Variants in SEMA3A observed in about 807,000 individuals in gnomAD.
SEMA3A encodes semaphorin-3A.
SEMA3A carries 29 observed loss-of-function variants against 97.9 expected under a neutral mutation model. That is an observed-to-expected ratio of 0.30 (90% CI 0.22 to 0.40). The LOEUF (loss-of-function observed/expected upper bound fraction) is 0.40. Among genes scored for constraint, SEMA3A ranks in the 10% least tolerant of loss-of-function variants. The pLI, the probability that SEMA3A is intolerant of heterozygous loss-of-function variation, is 1.00. For synonymous variants in SEMA3A, 321 were observed against 323.7 expected, an observed-to-expected ratio of 0.99 and a Z score of 0.09; for missense variants, 763 against 951.3, an observed-to-expected ratio of 0.80 and a Z score of 2.60.
At chr7:84,091,951 G>C (rs908612460) in intron 4 of SEMA3A, among the ~76,000 whole-genome samples, 4 of 152,094 alleles carry the variant, frequency 2.6e-5, no homozygotes, top group Non-Finnish European at 4.4e-5. Flanking sequence ...TATGCAGGTT[G>C]TATTTTTATA....
chr7:84,066,195 A>G (rs1445423332), intron 4 of SEMA3A, among the ~76,000 whole-genome samples: 2 of 152,044 alleles, frequency 1.3e-5, no homozygotes, highest in Admixed American at 1.3e-4. Flanking sequence ...ATAGATGCAG[A>G]AAAAGCCTTT....
chr7:84,312,893 T>C (rs1158618440), intron 2 of SEMA3A, among the ~76,000 whole-genome samples: 8 of 53,726 alleles, frequency 1.5e-4, no homozygotes, highest in African/African-American at 4.6e-4. Flanking sequence ...TATATATATA[T>C]ATATATATAT....
At chr7:84,168,064 T>C (rs1797268320) in intron 1 of SEMA3A, among the ~76,000 whole-genome samples, 1 of 152,146 alleles carries the variant, frequency 6.6e-6, no homozygotes, top group African/African-American at 2.4e-5. Flanking sequence ...AAGTGAGGTA[T>C]TACCTATGAA....
At chr7:84,260,795 T>C (rs1391233634) in intron 3 of SEMA3A, among the ~76,000 whole-genome samples, 1 of 152,074 alleles carries the variant, frequency 6.6e-6, no homozygotes, top group Non-Finnish European at 1.5e-5. Flanking sequence ...CTGTGCGTCA[T>C]GGATGATATG....
intron 3 of SEMA3A, among the ~76,000 whole-genome samples, chr7:84,289,061 T>G (rs1199397184): frequency 6.6e-6 from 1 of 152,164 alleles, no homozygotes; most frequent in East Asian, 1.9e-4. Context: ...TCTTCTCATT[T>G]GCAGCAACTT....
intron 3 of SEMA3A, among the ~76,000 whole-genome samples, chr7:84,272,632 GC>G (rs1758618530): frequency 6.6e-6 from 1 of 151,832 alleles, no homozygotes; most frequent in African/African-American, 2.4e-5. Flanking sequence ...TATTCTTCAA[GC>G]TTTTATTGAT....
chr7:84,381,670 T>A (rs1357508121), intron 1 of SEMA3A, among the ~76,000 whole-genome samples: 2 of 152,178 alleles, frequency 1.3e-5, no homozygotes, highest in Non-Finnish European at 2.9e-5. Context: ...TCCTTCTATA[T>A]GCTATGGTAT....
At chr7:84,348,194 A>G (rs770145385) in intron 2 of SEMA3A, among the ~76,000 whole-genome samples, 1 of 152,176 alleles carries the variant, frequency 6.6e-6, no homozygotes, top group Non-Finnish European at 1.5e-5. Context: ...TGGCTTTGCT[A>G]AACTCCTAAT....
At chr7:84,412,243 C>G (rs926522269) in intron 1 of SEMA3A, among the ~76,000 whole-genome samples, 5 of 152,120 alleles carry the variant, frequency 3.3e-5, no homozygotes, top group Non-Finnish European at 5.9e-5. Context: ...GAGCATGGAT[C>G]AAGCAGGGTC....
intron 4 of SEMA3A, among the ~76,000 whole-genome samples, chr7:84,102,054 G>A (rs561236946): frequency 6.6e-6 from 1 of 151,804 alleles, no homozygotes; most frequent in South Asian, 2.1e-4. Context: ...AATTACATAT[G>A]CAGCTAGCAT....
intron 1 of SEMA3A, among the ~76,000 whole-genome samples, chr7:84,424,696 TGATATCAA>T (rs1408820241): frequency 9.8e-5 from 7 of 71,566 alleles, no homozygotes; most frequent in Non-Finnish European, 1.3e-4. Context: ...TATAATATAT[TGATATCAA>T]TATATAATAT....
chr7:84,045,366 T>A (rs1252995402), intron 6 of SEMA3A, among the ~76,000 whole-genome samples: 1 of 151,698 alleles, frequency 6.6e-6, no homozygotes, highest in East Asian at 1.9e-4. Flanking sequence ...CAGGAAAAAA[T>A]TCATGGAGGG....
chr7:84,481,084 A>G (rs2116433159), intron 1 of SEMA3A, among the ~76,000 whole-genome samples: 1 of 152,264 alleles, frequency 6.6e-6, no homozygotes, highest in East Asian at 1.9e-4. Context: ...GAGAGTGTCA[A>G]AGATAAAGCT....
chr7:84,457,184 T>C (rs926287446), intron 1 of SEMA3A, among the ~76,000 whole-genome samples: 1 of 151,776 alleles, frequency 6.6e-6, no homozygotes, highest in Non-Finnish European at 1.5e-5. Context: ...AGTGGATGAA[T>C]AGGAAAAATG....
At chr7:84,224,549 C>T (rs1298665148) in intron 3 of SEMA3A, among the ~76,000 whole-genome samples, 1 of 151,952 alleles carries the variant, frequency 6.6e-6, no homozygotes, top group Non-Finnish European at 1.5e-5. Flanking sequence ...TGACCCAGAG[C>T]TAAAACATTC....
chr7:84,117,673 G>C (rs1030809130), intron 3 of SEMA3A, among the ~76,000 whole-genome samples: 9 of 152,296 alleles, frequency 5.9e-5, no homozygotes, highest in Admixed American at 4.6e-4. Flanking sequence ...TGGTGGAACA[G>C]TTTCACCCCA....
chr7:84,239,060 T>C (rs1244117541), intron 3 of SEMA3A, among the ~76,000 whole-genome samples: 1 of 152,060 alleles, frequency 6.6e-6, no homozygotes, highest in Non-Finnish European at 1.5e-5. Flanking sequence ...CCTAAAAACT[T>C]AAAGAATGTA....
chr7:84,222,830 T>C (rs141662825), intron 3 of SEMA3A, among the ~76,000 whole-genome samples: 49 of 152,022 alleles, frequency 3.2e-4, no homozygotes, highest in Non-Finnish European at 6.3e-4. Context: ...CAAATTTTGC[T>C]ATGTTGGTAT....
intron 15 of SEMA3A, among the ~76,000 whole-genome samples, chr7:83,966,151 A>G (rs1330053736): frequency 6.6e-6 from 1 of 151,996 alleles, no homozygotes; most frequent in Non-Finnish European, 1.5e-5. Context: ...GCTTTTTCCA[A>G]TGTACCAGAA....
Sources: gnomAD v4.1 joint callset for allele counts (sites outside exome capture counted in the v4.1 genomes callset) on GRCh38, gnomAD v4.1.1 for gene constraint, MANE v1.5 for transcripts, NCBI Gene and HGNC (gene_info 2026-07-23, HGNC 2026-07-21) for gene names.